LIPI: variants seen among roughly 807,000 people sequenced by gnomAD.
The protein encoded by LIPI is lipase I.
A neutral mutation model predicts 50.6 loss-of-function variants in LIPI; 59 were observed. The ratio of observed to expected loss-of-function variants is 1.16; its 90% CI spans 0.94 to 1.45. The LOEUF (loss-of-function observed/expected upper bound fraction) is 1.45. Among genes scored for constraint, LIPI ranks in the 40% most tolerant of loss-of-function variants. The pLI, the probability that LIPI is intolerant of heterozygous loss-of-function variation, is 0.00. For synonymous variants in LIPI, 203 were observed against 178.2 expected, an observed-to-expected ratio of 1.14 and a Z score of -1.11; for missense variants, 586 against 536.3, an observed-to-expected ratio of 1.09 and a Z score of -0.92.
Position 14,166,369 on chromosome 21 carries a change from A to T in LIPI, c.726T>A (p.Ile242=). 6.4e-7 allele frequency: 1 copy of T among 1,565,474 alleles called. No individual in the cohort carries two copies. Among genetic ancestry groups the T allele is most frequent in the Non-Finnish European group, 8.8e-7 (1 of 1,135,816 alleles). Residue 242 remains isoleucine (I), a synonymous_variant, in exon 5 of 10, where the codon ATT becomes ATA. Coordinates refer to ENST00000681601, the MANE Select transcript of LIPI (RefSeq NM_001302998.2). The part of the protein sequence containing the change: ...GNKQPGCPKS[I]FSGIQFIKCN... ...AAAATACTGTCAGTATACCTGAGAAAATTGATTTAGGACAGCCAGGTTGTT... is the reference window on the plus strand; with the variant it reads ...AAAATACTGTCAGTATACCTGAGAATATTGATTTAGGACAGCCAGGTTGTT...
intron 1 of LIPI, among the ~76,000 whole-genome samples, chr21:14,195,385 T>A (rs57804003): frequency 0.72 from 108,987 of 151,354 alleles, 40,371 homozygotes; most frequent in African/African-American, 0.89. Context: ...CCTTAATAAA[T>A]GCAGGGACAT....
At chr21:14,207,797 A>G (rs1197550989) in intron 1 of LIPI, among the ~76,000 whole-genome samples, 1 of 151,904 alleles carries the variant, frequency 6.6e-6, no homozygotes, top group Admixed American at 6.5e-5. Flanking sequence ...TGAACACGGA[A>G]AAAAACACAG....
intron 8 of LIPI, among the ~76,000 whole-genome samples, chr21:14,150,224 A>C (rs910626045): frequency 2.0e-5 from 3 of 152,168 alleles, no homozygotes; most frequent in Non-Finnish European, 2.9e-5. Flanking sequence ...CCCATGATTC[A>C]ATTATCTCAA....
chr21:14,124,470 C>A (rs1013420859), intron 9 of LIPI, among the ~76,000 whole-genome samples: 3 of 152,160 alleles, frequency 2.0e-5, no homozygotes, highest in Non-Finnish European at 2.9e-5. Flanking sequence ...GCTCAGCGAG[C>A]CTTATCTGTA....
intron 1 of LIPI, among the ~76,000 whole-genome samples, chr21:14,189,859 C>G (rs1346342143): frequency 1.3e-5 from 2 of 151,784 alleles, no homozygotes; most frequent in Non-Finnish European, 2.9e-5. Flanking sequence ...GTAATATTTT[C>G]CCCATAAAAT....
chr21:14,147,073 A>C (rs1355646981), intron 8 of LIPI, among the ~76,000 whole-genome samples: 2 of 152,074 alleles, frequency 1.3e-5, no homozygotes, highest in African/African-American at 4.8e-5. Context: ...CACCATGCCC[A>C]GCCCCAGCCT....
chr21:14,158,071 A>G (rs974872868), intron 7 of LIPI, among the ~76,000 whole-genome samples: 2 of 151,766 alleles, frequency 1.3e-5, no homozygotes, highest in Non-Finnish European at 2.9e-5. Flanking sequence ...GAGATTTTTT[A>G]CTTTAAGTTG....
chr21:14,183,105 T>C (rs1006119172), intron 3 of LIPI, among the ~76,000 whole-genome samples: 1 of 152,168 alleles, frequency 6.6e-6, no homozygotes, highest in South Asian at 2.1e-4. Context: ...CAAAACAGCA[T>C]GGTACTGGTA....
At chr21:14,201,790 C>T (rs1431704739) in intron 1 of LIPI, among the ~76,000 whole-genome samples, 3 of 152,154 alleles carry the variant, frequency 2.0e-5, no homozygotes, top group Non-Finnish European at 4.4e-5. Context: ...CAGGGATGCC[C>T]TCTCTCACCA....
chr21:14,116,044 C>T (rs1442970377), intron 9 of LIPI, among the ~76,000 whole-genome samples: 2 of 151,888 alleles, frequency 1.3e-5, no homozygotes, highest in African/African-American at 4.8e-5. Flanking sequence ...GTGAACCTAC[C>T]TGGGACACAA....
chr21:14,129,809 TAAAAAA>T lies in LIPI; in HGVS notation c.1295+14808_1295+14813del, dbSNP rs199899861. Among the ~76,000 whole-genome samples the T allele has an allele frequency of 2.1e-4, 29 of 136,440 alleles. 2 individuals carry two copies. Among genetic ancestry groups the T allele is most frequent in the South Asian group, 1.8e-3 (8 of 4,344 alleles). The allele number at this position is 136,440 out of a possible 152,430, so 89.5% of individuals were successfully genotyped here. ...TAATGACTCTAATTGTTTTTTTTTT[TAAAAAA>T]AAAAAAAGCTTATTTCTCACCTTCC... On this transcript the variant is annotated intron_variant, in intron 9 of 9. Transcript: ENST00000681601.
intron 9 of LIPI, among the ~76,000 whole-genome samples, chr21:14,128,625 G>A (rs1322359800): frequency 1.3e-5 from 2 of 152,024 alleles, no homozygotes; most frequent in Non-Finnish European, 2.9e-5. Flanking sequence ...TATCCTTAAA[G>A]ATGCCTAAAT....
At position 14,178,447 on chromosome 21, in the gene LIPI, C is replaced by T. The variant is rs187887631; in HGVS notation, c.643+3311G>A. Among the ~76,000 whole-genome samples, 473 of 152,200 alleles carry T rather than the reference C, an allele frequency of 3.1e-3. 2 individuals carry two copies. Among genetic ancestry groups the T allele is most frequent in the African/African-American group, 0.011 (454 of 41,562 alleles). ...CTTTTCACCTACTTTTTAGTTCACTCGCTCACTCTCTCTTTACCTATTTCT... is the reference window on the plus strand; with the variant it reads ...CTTTTCACCTACTTTTTAGTTCACTTGCTCACTCTCTCTTTACCTATTTCT... On this transcript the variant is annotated intron_variant, in intron 4 of 9. Transcript: ENST00000681601.
rs947409367 is a variant in LIPI, at chr21:14,163,228, G to A, written c.1006+191C>T. ...TTCTTTGGGAAAATATTACCCAAGCGTCTCTCCATTTTATCTAAAAAAAGA... is the reference window on the plus strand; with the variant it reads ...TTCTTTGGGAAAATATTACCCAAGCATCTCTCCATTTTATCTAAAAAAAGA... On this transcript the variant is annotated intron_variant, in intron 7 of 9. Coordinates refer to ENST00000681601, the MANE Select transcript of LIPI (RefSeq NM_001302998.2). 1.7e-4 allele frequency among the ~76,000 whole-genome samples: 26 copies of A among 151,792 alleles called. No homozygotes were observed. The East Asian group carries it at 1.7e-3, about 10-fold the overall frequency.
At chr21:14,112,791 A>C (rs1423372575) in intron 9 of LIPI, among the ~76,000 whole-genome samples, 1 of 152,176 alleles carries the variant, frequency 6.6e-6, no homozygotes. Flanking sequence ...AATATAAATA[A>C]GCATTTAAAA....
At position 14,152,703 on chromosome 21, in the gene LIPI, G is replaced by T; in HGVS notation, c.1007-19C>A. 8.3e-7 allele frequency: 1 copy of T among 1,201,794 alleles called. No homozygotes were observed. Among genetic ancestry groups the T allele is most frequent in the Non-Finnish European group, 1.2e-6 (1 of 811,996 alleles). 74.4% of individuals were successfully genotyped at this position (1,201,794 alleles called of 1,614,324 possible). A position where few individuals can be genotyped will look rare whatever the true frequency, so the allele number is the denominator to read the frequency against. ...TAATAGGCTACAAAATAAAAATATA[G>T]AATACAACTCACATTATTTTTTAAT... is the stretch of plus-strand genomic sequence containing the variant. On this transcript the variant is annotated intron_variant, in intron 7 of 9. Coordinates refer to ENST00000681601, the MANE Select transcript of LIPI (RefSeq NM_001302998.2).
chr21:14,166,297 A>G (rs951219881), intron 5 of LIPI, 65 bp downstream of exon 5: 19 of 942,150 alleles, frequency 2.0e-5, no homozygotes, highest in Non-Finnish European at 3.3e-5. Context: ...AGAGGGGAAA[A>G]GTAAGTTATT....
chr21:14,153,099 C>T (rs1284771359), intron 7 of LIPI, among the ~76,000 whole-genome samples: 1 of 152,142 alleles, frequency 6.6e-6, no homozygotes, highest in Non-Finnish European at 1.5e-5. Flanking sequence ...GCTTGCCAAA[C>T]GTAAGTCCTA....
chr21:14,172,216 A>G (rs372904605), intron 4 of LIPI, among the ~76,000 whole-genome samples: 2,575 of 150,378 alleles, frequency 0.017, 57 homozygotes, highest in African/African-American at 0.051. Context: ...GTCAGGAAAC[A>G]ACAGGTGCTG....
Sources: allele counts gnomAD v4.1 joint callset (sites outside exome capture counted in the v4.1 genomes callset), GRCh38; gene constraint gnomAD v4.1.1; transcripts MANE v1.5; gene names NCBI Gene and HGNC (gene_info 2026-07-23, HGNC 2026-07-21).